LRRTM4: variants seen among roughly 807,000 people sequenced by gnomAD.
The protein encoded by LRRTM4 is leucine-rich repeat transmembrane neuronal protein 4.
Under a neutral mutation model 47.6 loss-of-function variants are expected in LRRTM4, and 25 were observed. The observed-to-expected ratio is 0.53, with a 90% CI of 0.38 to 0.73. The LOEUF (loss-of-function observed/expected upper bound fraction) is 0.73. LRRTM4 is among the 30% of genes least tolerant of loss of function. The pLI, the probability that LRRTM4 is intolerant of heterozygous loss-of-function variation, is 0.00. For synonymous variants in LRRTM4, 311 were observed against 269.5 expected (o/e 1.15, Z -1.51); for missense variants, 638 against 713.4 (o/e 0.89, Z 1.20).
At chr2:77,466,918 C>T (rs539012621) in intron 3 of LRRTM4, among the ~76,000 whole-genome samples, 76 of 152,028 alleles carry the variant, frequency 5.0e-4, no homozygotes, top group African/African-American at 1.5e-3. Flanking sequence ...AGGCTGGTCT[C>T]GAACTCCTGA....
intron 3 of LRRTM4, among the ~76,000 whole-genome samples, chr2:77,344,972 A>C (rs2104284065): frequency 6.6e-6 from 1 of 151,710 alleles, no homozygotes; most frequent in South Asian, 2.1e-4. Flanking sequence ...ATAATTATAT[A>C]AATAGATAGG....
At position 77,405,475 on chromosome 2, in the gene LRRTM4, G is replaced by A. The variant is rs116408879; in HGVS notation, c.1551+112843C>T. Among the ~76,000 whole-genome samples, 1,387 of 152,154 alleles carry A rather than the reference G, an allele frequency of 9.1e-3. 20 individuals carry two copies. The highest frequency in any genetic ancestry group is 0.032 in the African/African-American group (1,325 of 41,528). On this transcript the variant is annotated intron_variant, in intron 3 of 3. Coordinates refer to ENST00000409884, the MANE Select transcript of LRRTM4 (RefSeq NM_001134745.3). ...TATACCTCTCAGACTTTGAAAGTTA[G>A]CATAAAACAAGGAGAAGCTTCTTTC...
intron 3 of LRRTM4, among the ~76,000 whole-genome samples, chr2:76,836,247 T>C (rs1463676901): frequency 6.6e-6 from 1 of 152,012 alleles, no homozygotes; most frequent in Non-Finnish European, 1.5e-5. Flanking sequence ...GGTTGGACTT[T>C]GGCCCAATCA....
intron 3 of LRRTM4, among the ~76,000 whole-genome samples, chr2:77,323,382 G>A (rs1304785217): frequency 2.0e-5 from 3 of 152,074 alleles, no homozygotes; most frequent in Non-Finnish European, 4.4e-5. Flanking sequence ...TTAGAGTTGG[G>A]AGAAAACTTG....
At chr2:77,048,740 A>G (rs1573498624) in intron 3 of LRRTM4, among the ~76,000 whole-genome samples, 1 of 151,874 alleles carries the variant, frequency 6.6e-6, no homozygotes, top group Admixed American at 6.6e-5. Flanking sequence ...TAGCATATCT[A>G]TCATCTCATT....
intron 3 of LRRTM4, among the ~76,000 whole-genome samples, chr2:76,765,433 A>G (rs1442418327): frequency 6.6e-6 from 1 of 152,198 alleles, no homozygotes; most frequent in African/African-American, 2.4e-5. Context: ...GAAGAGGAGC[A>G]GAATATTATG....
intron 3 of LRRTM4, among the ~76,000 whole-genome samples, chr2:77,040,588 G>A (rs975620233): frequency 2.0e-5 from 3 of 151,312 alleles, no homozygotes; most frequent in African/African-American, 4.8e-5. Context: ...CTTTGCATAT[G>A]GCAGTTGCAA....
intron 3 of LRRTM4, among the ~76,000 whole-genome samples, chr2:76,974,550 A>C (rs554310624): frequency 8.6e-5 from 13 of 151,488 alleles, no homozygotes; most frequent in Admixed American, 7.3e-4. Context: ...TGTGTCACAT[A>C]CATATTTATA....
chr2:77,464,941 AATAAC>A (rs1340296627), intron 3 of LRRTM4, among the ~76,000 whole-genome samples: 7 of 152,178 alleles, frequency 4.6e-5, no homozygotes, highest in African/African-American at 1.7e-4. Flanking sequence ...CCAATAAGCA[AATAAC>A]ATAAAGACAT....
At chr2:77,150,388 A>G (rs1195418210) in intron 3 of LRRTM4, among the ~76,000 whole-genome samples, 2 of 152,118 alleles carry the variant, frequency 1.3e-5, no homozygotes, top group Non-Finnish European at 2.9e-5. Context: ...AAGAAAATGA[A>G]GATTCCATAA....
At chr2:76,989,166 A>G (rs1044424048) in intron 3 of LRRTM4, among the ~76,000 whole-genome samples, 9 of 151,664 alleles carry the variant, frequency 5.9e-5, no homozygotes, top group African/African-American at 2.2e-4. Flanking sequence ...TTGTTTTTCA[A>G]TTGTTGGTCT....
intron 3 of LRRTM4, among the ~76,000 whole-genome samples, chr2:77,427,184 G>A (rs902559800): frequency 7.9e-5 from 12 of 152,052 alleles, no homozygotes; most frequent in African/African-American, 2.9e-4. Flanking sequence ...TCATCATGTT[G>A]ATCAGGATGG....
intron 3 of LRRTM4, among the ~76,000 whole-genome samples, chr2:77,154,427 G>T (rs72807286): frequency 1.3e-5 from 2 of 152,042 alleles, no homozygotes; most frequent in African/African-American, 4.8e-5. Flanking sequence ...ATAGATTTTA[G>T]CATTTCCACT....
intron 3 of LRRTM4, among the ~76,000 whole-genome samples, chr2:76,903,254 T>C (rs564380867): frequency 6.6e-6 from 1 of 151,656 alleles, no homozygotes; most frequent in African/African-American, 2.4e-5. Context: ...TACAAAACAT[T>C]AGCTGGGTGT....
chr2:76,919,662 C>T (rs1397681424), intron 3 of LRRTM4, among the ~76,000 whole-genome samples: 3 of 152,126 alleles, frequency 2.0e-5, no homozygotes, highest in Non-Finnish European at 2.9e-5. Context: ...ACCAACTTCC[C>T]GTGAATGGCT....
At chr2:77,331,442 A>C (rs1670968502) in intron 3 of LRRTM4, among the ~76,000 whole-genome samples, 1 of 152,224 alleles carries the variant, frequency 6.6e-6, no homozygotes, top group African/African-American at 2.4e-5. Context: ...AGAATTGGAC[A>C]GGGAAAGACA....
rs567382817 is a variant in LRRTM4 at position 76,980,285 on chromosome 2, C to G, written c.1552-231369G>C. Among the ~76,000 whole-genome samples, 6 of 152,126 alleles carry G rather than the reference C, an allele frequency of 3.9e-5. No homozygotes were observed. In the South Asian group the frequency reaches 1.0e-3, roughly 26 times the overall value. On this transcript the variant is annotated intron_variant, in intron 3 of 3. Coordinates refer to ENST00000409884, the MANE Select transcript of LRRTM4 (RefSeq NM_001134745.3). The stretch of plus-strand genomic sequence containing the variant: ...GAAGCTTCTGCTGAGTTCCAGATAC[C>G]ACTATCTCTAGTTTCTGTGAACATC...
chr2:77,423,764 G>A (rs570172759), intron 3 of LRRTM4, among the ~76,000 whole-genome samples: 1 of 152,274 alleles, frequency 6.6e-6, no homozygotes, highest in East Asian at 1.9e-4. Flanking sequence ...TAGAAGGTAT[G>A]TAGGAAAATA....
At chr2:77,323,567 T>A (rs1233548047) in intron 3 of LRRTM4, among the ~76,000 whole-genome samples, 4 of 152,124 alleles carry the variant, frequency 2.6e-5, no homozygotes, top group Non-Finnish European at 4.4e-5. Flanking sequence ...CAGTTATTAT[T>A]TAAGTAATTT....
Sources: allele counts gnomAD v4.1 joint callset (sites outside exome capture counted in the v4.1 genomes callset), GRCh38; gene constraint gnomAD v4.1.1; transcripts MANE v1.5; gene names NCBI Gene and HGNC (gene_info 2026-07-23, HGNC 2026-07-21).